Variants in LRBA observed in about 807,000 individuals in gnomAD.
The protein encoded by LRBA is LPS responsive beige-like anchor protein, also known as lipopolysaccharide-responsive and beige-like anchor protein.
In LRBA, 176 loss-of-function variants were observed where a neutral mutation model predicts 330.0. That is an observed-to-expected ratio of 0.53 (90% confidence interval 0.47 to 0.60). The LOEUF is 0.60. LRBA is among the 20% of genes least tolerant of loss of function. The probability of loss-of-function intolerance (pLI) is 0.00; values close to 1 mark genes in which losing one functional copy is unlikely to be tolerated. For synonymous variants in LRBA, 1,230 were observed against 1,193.0 expected, an observed-to-expected ratio of 1.03 and a Z score of -0.64; for missense variants, 3,259 against 3,444.8, an observed-to-expected ratio of 0.95 and a Z score of 1.35.
At chr4:150,831,751 TA>T in intron 29 of LRBA, 65 bp downstream of exon 29, 2 of 1,236,040 alleles carry the variant, frequency 1.6e-6, no homozygotes, top group Admixed American at 4.9e-5. Context: ...ATCAATATTT[TA>T]ACCATCAAAA....
At chr4:150,684,578 T>C (rs191092058) in intron 36 of LRBA, among the ~76,000 whole-genome samples, 27 of 152,304 alleles carry the variant, frequency 1.8e-4, no homozygotes, top group Admixed American at 1.7e-3. Flanking sequence ...TCAGATACAC[T>C]ATAATTGCTA....
At chr4:150,320,848 A>G (rs75866478) in intron 50 of LRBA, among the ~76,000 whole-genome samples, 2 of 152,286 alleles carry the variant, frequency 1.3e-5, no homozygotes, top group East Asian at 3.9e-4. Flanking sequence ...GTGTTTATTA[A>G]GTAAAATGAA....
chr4:150,571,696 G>C (rs1359978841), intron 40 of LRBA, among the ~76,000 whole-genome samples: 1 of 125,790 alleles, frequency 7.9e-6, no homozygotes, highest in Non-Finnish European at 1.6e-5. Flanking sequence ...AGTTGCACTG[G>C]ACAAATGAAA....
At chr4:150,358,765 G>C (rs1738242805) in intron 47 of LRBA, among the ~76,000 whole-genome samples, 1 of 152,028 alleles carries the variant, frequency 6.6e-6, no homozygotes, top group South Asian at 2.1e-4. Flanking sequence ...TATATAGTCA[G>C]TTACAAAAGG....
At position 150,743,609 on chromosome 4, in the gene LRBA, T is replaced by G. The variant is rs147349957; in HGVS notation, c.5646-8243A>C. ...CCAAATCTAGCCTGCCAACATTTTT[T>G]GGTTAGTAAGTTCTATAAGAGCACA... is the stretch of plus-strand genomic sequence containing the variant. On this transcript the variant is annotated intron_variant, in intron 35 of 56. Transcript: ENST00000651943. Among the ~76,000 whole-genome samples the G allele has an allele frequency of 1.5e-3, 230 of 152,352 alleles. 1 individual carries two copies. Among genetic ancestry groups the G allele is most frequent in the African/African-American group, 5.2e-3 (216 of 41,590 alleles).
intron 17 of LRBA, among the ~76,000 whole-genome samples, chr4:150,884,801 C>T (rs1004003953): frequency 6.6e-6 from 1 of 151,830 alleles, no homozygotes; most frequent in Non-Finnish European, 1.5e-5. Context: ...GAGTATAACC[C>T]ATAATCAGTA....
intron 40 of LRBA, among the ~76,000 whole-genome samples, chr4:150,559,226 G>A (rs1394496): frequency 0.45 from 68,456 of 151,896 alleles, 15,976 homozygotes; most frequent in Admixed American, 0.52. Context: ...GATTTAGTCA[G>A]ACTAAAGAAA....
chr4:150,421,160 A>ATATATAATATACATTATATTATATATG (rs1748725006), intron 46 of LRBA, among the ~76,000 whole-genome samples: 1 of 129,198 alleles, frequency 7.7e-6, no homozygotes, highest in African/African-American at 2.9e-5. Flanking sequence ...TATTATATAT[A>ATATATAATATACATTATATTATATATG]AAGTATATAT....
chr4:150,429,807 A>G (rs1370167738), intron 46 of LRBA, among the ~76,000 whole-genome samples: 1 of 152,046 alleles, frequency 6.6e-6, no homozygotes, highest in Non-Finnish European at 1.5e-5. Context: ...ATCACTATCT[A>G]ATTTGTACTA....
intron 34 of LRBA, among the ~76,000 whole-genome samples, chr4:150,785,055 T>TA (rs1738847037): frequency 6.6e-6 from 1 of 152,148 alleles, no homozygotes; most frequent in South Asian, 2.1e-4. Context: ...GTGCGTGAGA[T>TA]AAGAGTTTTA....
intron 37 of LRBA, among the ~76,000 whole-genome samples, chr4:150,642,038 CTT>C (rs1778727186): frequency 1.3e-5 from 2 of 151,928 alleles, no homozygotes; most frequent in Admixed American, 6.6e-5. Flanking sequence ...ACAGCACTGT[CTT>C]ATACTAATAC....
At chr4:150,699,413 G>C (rs1561529559) in intron 36 of LRBA, among the ~76,000 whole-genome samples, 1 of 152,088 alleles carries the variant, frequency 6.6e-6, no homozygotes, top group South Asian at 2.1e-4. Flanking sequence ...TTGGGCAACA[G>C]GATAAAGAAA....
At chr4:150,824,712 ATAGT>A (rs1480889689) in intron 30 of LRBA, among the ~76,000 whole-genome samples, 3 of 152,296 alleles carry the variant, frequency 2.0e-5, no homozygotes, top group Non-Finnish European at 4.4e-5. Context: ...TATCACACTG[ATAGT>A]TTGTGTATGC....
In LRBA at chr4:150,352,063, G is replaced by C. The variant is rs146051534; in HGVS notation, c.7195-1904C>G. On this transcript the variant is annotated intron_variant, in intron 47 of 56. Coordinates refer to ENST00000651943, the MANE Select transcript of LRBA (RefSeq NM_001364905.1). The stretch of plus-strand genomic sequence containing the variant: ...GGAAAGCAAAACTGTGGATAAGGAG[G>C]AGACTGCTGTACCAACTTATATCTG... 7.0e-4 allele frequency among the ~76,000 whole-genome samples: 106 copies of C among 152,292 alleles called. 2 individuals carry two copies. The East Asian group carries it at 0.02, about 29-fold the overall frequency.
At chr4:150,970,374 C>T (rs778382357) in intron 2 of LRBA, among the ~76,000 whole-genome samples, 1 of 151,214 alleles carries the variant, frequency 6.6e-6, no homozygotes, top group Non-Finnish European at 1.5e-5. Flanking sequence ...GTGGCCTACA[C>T]CTGTAGTCCC....
chr4:150,985,127 C>T (rs1452201831), intron 2 of LRBA, among the ~76,000 whole-genome samples: 3 of 151,912 alleles, frequency 2.0e-5, no homozygotes, highest in Non-Finnish European at 4.4e-5. Flanking sequence ...GGCATGGTGA[C>T]AGGCGCCTGT....
chr4:150,900,075 C>G lies in LRBA; in HGVS notation c.1898G>C (p.Arg633Pro). The change falls in exon 14 of 57, where the codon CGA (arginine) becomes CCA (proline). Residue 633 changes from arginine (R) to proline (P), a missense_variant. Transcript: ENST00000651943. ...YYYWAVNPQD[R>P]SGITPKGLDG... ...TAATCCTTTTGGGGTGATACCACTT[C>G]GATCCTGAGGATTCACTGCCCAGTA... 3 of 1,613,132 alleles carry G rather than the reference C, an allele frequency of 1.9e-6. No individual in the cohort carries two copies. Among genetic ancestry groups the G allele is most frequent in the Non-Finnish European group, 2.5e-6 (3 of 1,179,360 alleles).
At position 150,294,750 on chromosome 4, in the gene LRBA, G is replaced by C. The variant is rs1445584727; in HGVS notation, c.8017+7875C>G. Among the ~76,000 whole-genome samples the C allele has an allele frequency of 7.9e-5, 12 of 152,180 alleles. No individual in the cohort carries two copies. In the East Asian group the frequency reaches 2.1e-3, roughly 27 times the overall value. The stretch of plus-strand genomic sequence containing the variant: ...GCGGATCACAAGGTCAGGAGATTGA[G>C]ACCATCATGGCCAACATGGTGAAAC... On this transcript the variant is annotated intron_variant, in intron 53 of 56. Coordinates refer to ENST00000651943, the MANE Select transcript of LRBA (RefSeq NM_001364905.1).
At chr4:150,918,255 T>G (rs1732866982) in intron 5 of LRBA, among the ~76,000 whole-genome samples, 1 of 152,302 alleles carries the variant, frequency 6.6e-6, no homozygotes, top group East Asian at 1.9e-4. Context: ...AAAGTACTCT[T>G]ATAACTCAAT....
Sources: gnomAD v4.1 joint callset for allele counts (sites outside exome capture counted in the v4.1 genomes callset) on GRCh38, gnomAD v4.1.1 for gene constraint, MANE v1.5 for transcripts, NCBI Gene and HGNC (gene_info 2026-07-23, HGNC 2026-07-21) for gene names.